ATRN: variants seen among roughly 807,000 people sequenced by gnomAD.
ATRN encodes the protein attractin-2.
In ATRN, 54 loss-of-function variants were observed where a neutral mutation model predicts 178.7. The observed-to-expected ratio is 0.30, with a 90% CI of 0.24 to 0.38. The LOEUF is 0.38. Ranked by LOEUF, ATRN falls within the 10% of genes least tolerant of loss-of-function variation. ATRN has a pLI of 1.00. For synonymous variants in ATRN, 636 were observed against 663.0 expected (o/e 0.96, Z 0.63); for missense variants, 1,443 against 1,815.1 (o/e 0.79, Z 3.73).
At chr20:3,550,145 G>A (rs235597) in intron 6 of ATRN, among the ~76,000 whole-genome samples, 1 of 151,692 alleles carries the variant, frequency 6.6e-6, no homozygotes, top group African/African-American at 2.4e-5. Flanking sequence ...CTGGCCAACA[G>A]GATAAAACCC....
At chr20:3,625,233 A>G (rs771061877) in intron 25 of ATRN, among the ~76,000 whole-genome samples, 1 of 152,114 alleles carries the variant, frequency 6.6e-6, no homozygotes, top group Non-Finnish European at 1.5e-5. Flanking sequence ...TTGATGTCCT[A>G]CTGTAGAAGA....
chr20:3,592,521 A>G lies in ATRN; in HGVS notation c.3322+1215A>G, dbSNP rs1321072857. The G allele has an allele frequency of 3.1e-6, 3 of 969,178 alleles. No individual in the cohort carries two copies. In the African/African-American group the frequency reaches 5.3e-5, roughly 17 times the overall value. The allele number at this position is 969,178 out of a possible 1,614,324, so 60.0% of individuals were successfully genotyped here. A position where few individuals can be genotyped will look rare whatever the true frequency, so the allele number is the denominator to read the frequency against. ...AAATTATGACAAGTGATATTAATGA[A>G]CTGCTTTTTTTATTCTAGTTTCCAG... On this transcript the variant is annotated intron_variant, in intron 19 of 28. Coordinates refer to ENST00000262919, the MANE Select transcript of ATRN (RefSeq NM_139321.3).
At chr20:3,563,046 C>G (rs916777440) in intron 9 of ATRN, among the ~76,000 whole-genome samples, 163 bp from the exon 10 acceptor site, 5 of 152,132 alleles carry the variant, frequency 3.3e-5, no homozygotes, top group African/African-American at 7.2e-5. Flanking sequence ...TTAAAATTAT[C>G]TGTATTTATT....
intron 1 of ATRN, among the ~76,000 whole-genome samples, chr20:3,515,246 A>G (rs2146136292): frequency 6.7e-6 from 1 of 149,816 alleles, no homozygotes; most frequent in African/African-American, 2.5e-5. Context: ...ACTTGGAATA[A>G]TCAGGAGAAT....
chr20:3,557,552 A>G (rs2085895593), intron 6 of ATRN, among the ~76,000 whole-genome samples: 1 of 152,234 alleles, frequency 6.6e-6, no homozygotes, highest in Admixed American at 6.5e-5. Context: ...CAAAACAAAA[A>G]CCCTCTTGAC....
Position 3,471,425 on chromosome 20 carries a change from C to T in ATRN, c.318C>T (p.Val106=), listed in dbSNP as rs2084420558. 2 of 1,471,614 alleles carry T rather than the reference C, an allele frequency of 1.4e-6. No individual in the cohort carries two copies. Among genetic ancestry groups the T allele is most frequent in the Non-Finnish European group, 1.8e-6 (2 of 1,119,772 alleles). The allele number at this position is 1,471,614 out of a possible 1,614,324, so 91.2% of individuals were successfully genotyped here. A position where few individuals can be genotyped will look rare whatever the true frequency, so the allele number is the denominator to read the frequency against. ...AEAKECDRPC[V]NGGRCNPGTG... ...CCAAGGAATGTGACCGGCCCTGTGT[C>T]AACGGCGGTCGCTGCAACCCTGGCA... is the stretch of plus-strand genomic sequence containing the variant. The change falls in exon 1 of 29, where the codon GTC becomes GTT. Residue 106 remains valine, a synonymous_variant. Transcript: ENST00000262919.
intron 12 of ATRN, among the ~76,000 whole-genome samples, chr20:3,573,194 C>CAT (rs2086153194): frequency 1.3e-5 from 2 of 152,132 alleles, no homozygotes; most frequent in Admixed American, 1.3e-4. Flanking sequence ...TTTGGCATTG[C>CAT]ATAGGCTTTG....
At chr20:3,520,596 A>G (rs561806107) in intron 1 of ATRN, among the ~76,000 whole-genome samples, 18 of 152,160 alleles carry the variant, frequency 1.2e-4, no homozygotes, top group Non-Finnish European at 2.1e-4. Flanking sequence ...CTGGGTTCAA[A>G]TGATTCTTGT....
At chr20:3,602,887 T>TG (rs2086629126) in intron 23 of ATRN, among the ~76,000 whole-genome samples, 1 of 134,034 alleles carries the variant, frequency 7.5e-6, no homozygotes, top group Non-Finnish European at 1.5e-5. Context: ...TGCTTGAACC[T>TG]GGGAGGCGGA....
chr20:3,476,584 C>T lies in ATRN; in HGVS notation c.410+5067C>T, dbSNP rs181775406. Among the ~76,000 whole-genome samples, 319 of 152,334 alleles carry T rather than the reference C, an allele frequency of 2.1e-3. 2 individuals carry two copies. Among genetic ancestry groups the T allele is most frequent in the Non-Finnish European group, 8.7e-4 (59 of 68,030 alleles). On this transcript the variant is annotated intron_variant, in intron 1 of 28. Coordinates refer to ENST00000262919, the MANE Select transcript of ATRN (RefSeq NM_139321.3). The stretch of plus-strand genomic sequence containing the variant: ...AATGAAATGAAAATTCTTGCCTGGG[C>T]GCAGTGGCTCACGCCTGTAATCCCA...
At chr20:3,489,754 C>G (rs1157364261) in intron 1 of ATRN, 5 of 1,485,660 alleles carry the variant, frequency 3.4e-6, no homozygotes, top group African/African-American at 1.4e-5. Context: ...TGATGCTATT[C>G]AGCAAAGTGT....
At chr20:3,606,691 A>G (rs2086681529) in intron 24 of ATRN, among the ~76,000 whole-genome samples, 2 of 152,242 alleles carry the variant, frequency 1.3e-5, no homozygotes, top group Non-Finnish European at 2.9e-5. Context: ...GATAAACCCA[A>G]CTTGAGCATG....
Position 3,549,289 on chromosome 20 carries a change from G to A in ATRN, c.1063G>A (p.Val355Ile), listed in dbSNP as rs867467663. ...KAVVNGNIMWVVGGYMFNHSD... is the reference protein window; with the variant it reads ...KAVVNGNIMWIVGGYMFNHSD... Reference sequence around the variant, plus strand: ...TGTGGTCAATGGAAACATTATGTGGGTTGTTGGAGGATATATGTTCAACCA... The same window carrying A: ...TGTGGTCAATGGAAACATTATGTGGATTGTTGGAGGATATATGTTCAACCA... Residue 355 changes from valine (V) to isoleucine (I), a missense_variant, in exon 6 of 29, where the codon GTT becomes ATT. Around this residue, in one of 4 missense-constraint regions of ATRN, gnomAD observed 862 missense variants for 972.1 expected, o/e 0.89. Coordinates refer to ENST00000262919, the MANE Select transcript of ATRN (RefSeq NM_139321.3). 3.1e-6 allele frequency: 5 copies of A among 1,608,904 alleles called. No individual in the cohort carries two copies. The African/African-American group carries it at 6.7e-5, about 22-fold the overall frequency.
At chr20:3,573,304 G>T (rs1460710981) in intron 12 of ATRN, among the ~76,000 whole-genome samples, 1 of 152,168 alleles carries the variant, frequency 6.6e-6, no homozygotes, top group Admixed American at 6.5e-5. Flanking sequence ...GGACTGTCCC[G>T]ATATGGTAGC....
intron 1 of ATRN, among the ~76,000 whole-genome samples, chr20:3,524,262 A>G (rs1258131692): frequency 6.6e-6 from 1 of 151,976 alleles, no homozygotes; most frequent in Non-Finnish European, 1.5e-5. Context: ...AGGGGTTGCA[A>G]TCCTAGTATC....
At chr20:3,614,054 A>G (rs191757928) in intron 24 of ATRN, among the ~76,000 whole-genome samples, 2 of 152,314 alleles carry the variant, frequency 1.3e-5, no homozygotes, top group African/African-American at 2.4e-5. Context: ...TGCTGAGGGA[A>G]TTTGAAACTG....
At chr20:3,578,129 C>T (rs548475229) in intron 14 of ATRN, among the ~76,000 whole-genome samples, 4 of 152,286 alleles carry the variant, frequency 2.6e-5, no homozygotes, top group South Asian at 2.1e-4. Flanking sequence ...ATTGTACCTT[C>T]CACCTGATGA....
chr20:3,481,684 T>G (rs557105976), intron 1 of ATRN, among the ~76,000 whole-genome samples: 13 of 152,176 alleles, frequency 8.5e-5, no homozygotes, highest in Non-Finnish European at 1.6e-4. Flanking sequence ...TTTTTTCAGT[T>G]TGCGTTTTGG....
At chr20:3,573,962 T>C (rs2086167726) in intron 12 of ATRN, among the ~76,000 whole-genome samples, 1 of 152,090 alleles carries the variant, frequency 6.6e-6, no homozygotes, top group African/African-American at 2.4e-5. Flanking sequence ...GGTCTGGAAC[T>C]CCTGACCTCA....
Sources: allele counts gnomAD v4.1 joint callset (sites outside exome capture counted in the v4.1 genomes callset), GRCh38; gene constraint gnomAD v4.1.1; regional missense constraint gnomAD v4.1.1; transcripts MANE v1.5; gene names NCBI Gene and HGNC (gene_info 2026-07-23, HGNC 2026-07-21).